ZFP91: variants seen among roughly 807,000 people sequenced by gnomAD.
The protein encoded by ZFP91 is E3 ubiquitin-protein ligase ZFP91.
Under a neutral mutation model 63.5 loss-of-function variants are expected in ZFP91, and 7 were observed. The observed-to-expected ratio is 0.11, with a 90% CI of 0.06 to 0.21. The LOEUF is 0.21. Ranked by LOEUF, ZFP91 falls within the 10% of genes least tolerant of loss-of-function variation. ZFP91 has a pLI of 1.00. For missense variants in ZFP91, 628 were observed against 736.6 expected, an observed-to-expected ratio of 0.85 and a Z score of 1.71; for synonymous variants, 330 against 272.1, an observed-to-expected ratio of 1.21 and a Z score of -2.10.
intron 2 of ZFP91, among the ~76,000 whole-genome samples, chr11:58,601,952 C>T (rs754571342): frequency 5.3e-5 from 8 of 151,972 alleles, no homozygotes; most frequent in Non-Finnish European, 8.8e-5. Context: ...GATGGAGTCT[C>T]GTTCTATCGC....
intron 2 of ZFP91, among the ~76,000 whole-genome samples, chr11:58,597,402 G>C (rs966137574): frequency 1.9e-4 from 29 of 152,080 alleles, no homozygotes; most frequent in Non-Finnish European, 1.5e-4. Flanking sequence ...TAAAAACTTA[G>C]GCAGATATCC....
rs1855848410 is a variant in ZFP91 at position 58,621,308 on chromosome 11, T to C, written c.*3602T>C. Among the ~76,000 whole-genome samples, 1 of 152,210 alleles carries C rather than the reference T, an allele frequency of 6.6e-6. No homozygotes were observed. Among genetic ancestry groups the C allele is most frequent in the Non-Finnish European group, 1.5e-5 (1 of 68,030 alleles). The stretch of plus-strand genomic sequence containing the variant: ...ACTGGCCATATGTTAATTAACCTAG[T>C]AGATGGAAAATTAAGGATTATGTGA... On this transcript the variant is annotated 3_prime_UTR_variant, in exon 11 of 11. Coordinates refer to ENST00000316059, the MANE Select transcript of ZFP91 (RefSeq NM_053023.5).
rs1466984605 is a variant in ZFP91, at chr11:58,620,549, T to C, written c.*2843T>C. On this transcript the variant is annotated 3_prime_UTR_variant, in exon 11 of 11. Coordinates refer to ENST00000316059, the MANE Select transcript of ZFP91 (RefSeq NM_053023.5). ...TTTGCGTAACTGAGACTCCTTGATATGCTTCAGAGAATTTAGGCAAACACT... is the reference window on the plus strand; with the variant it reads ...TTTGCGTAACTGAGACTCCTTGATACGCTTCAGAGAATTTAGGCAAACACT... The C allele has an allele frequency of 2.0e-5, 3 of 152,652 alleles. No homozygotes were observed. The highest frequency in any genetic ancestry group is 7.2e-5 in the African/African-American group (3 of 41,452). The allele number at this position is 152,652 out of a possible 1,614,324, so 9.5% of individuals were successfully genotyped here.
At chr11:58,616,319 G>C (rs1174532827) in intron 9 of ZFP91, among the ~76,000 whole-genome samples, 1 of 151,718 alleles carries the variant, frequency 6.6e-6, no homozygotes, top group African/African-American at 2.4e-5. Flanking sequence ...GATTCTTTCT[G>C]TGTAATCATT....
intron 2 of ZFP91, among the ~76,000 whole-genome samples, chr11:58,585,598 C>T (rs11229538): frequency 1.3e-5 from 2 of 152,228 alleles, no homozygotes; most frequent in East Asian, 1.9e-4. Context: ...TACGTGTGAC[C>T]TTGACCCAGG....
At chr11:58,611,798 AG>A in intron 6 of ZFP91, 60 bp downstream of exon 6, 1 of 1,542,998 alleles carries the variant, frequency 6.5e-7, no homozygotes, top group Admixed American at 2.0e-5. Context: ...AGTGGAAAAA[AG>A]AGTGGGAGTG....
At chr11:58,588,643 C>G (rs1032658089) in intron 2 of ZFP91, among the ~76,000 whole-genome samples, 1 of 152,086 alleles carries the variant, frequency 6.6e-6, no homozygotes, top group Non-Finnish European at 1.5e-5. Flanking sequence ...TCATCTTGGC[C>G]TCTTGTCAAC....
intron 2 of ZFP91, among the ~76,000 whole-genome samples, chr11:58,607,427 G>A (rs1855586445): frequency 1.3e-5 from 2 of 152,136 alleles, no homozygotes; most frequent in African/African-American, 2.4e-5. Flanking sequence ...TGCTTAGACT[G>A]AATGGCCTTT....
intron 6 of ZFP91, 87 bp from the exon 7 acceptor site, chr11:58,612,191 G>T (rs555542772): frequency 4.6e-6 from 3 of 658,690 alleles, no homozygotes; most frequent in African/African-American, 3.9e-5. Flanking sequence ...TTCTTTGGCC[G>T]TGTGTGTGTG....
chr11:58,584,777 G>A lies in ZFP91; in HGVS notation c.342-79G>A, dbSNP rs73470726. On this transcript the variant is annotated intron_variant, in intron 1 of 10. Transcript: ENST00000316059. ...TAGATGCTTTCTTTATCACTCTGGAGGTGAACCTGAAAGAGATATTTATAT... is the reference window on the plus strand; with the variant it reads ...TAGATGCTTTCTTTATCACTCTGGAAGTGAACCTGAAAGAGATATTTATAT... 4,477 of 1,291,572 alleles carry A rather than the reference G, an allele frequency of 3.5e-3. 127 individuals are homozygous for A. In the African/African-American group the frequency reaches 0.06, roughly 17 times the overall value. The allele number at this position is 1,291,572 out of a possible 1,614,324, so 80.0% of individuals were successfully genotyped here. A position where few individuals can be genotyped will look rare whatever the true frequency, so the allele number is the denominator to read the frequency against.
chr11:58,618,745 A>C lies in ZFP91; in HGVS notation c.*1039A>C. ...ATAGCTCTCCAGTGGCTTTTAAAGAAAGCTGGTCCTCAGCACTAACAAAAT... is the reference window on the plus strand; with the variant it reads ...ATAGCTCTCCAGTGGCTTTTAAAGACAGCTGGTCCTCAGCACTAACAAAAT... On this transcript the variant is annotated 3_prime_UTR_variant, in exon 11 of 11. Coordinates refer to ENST00000316059, the MANE Select transcript of ZFP91 (RefSeq NM_053023.5). 1 of 454,832 alleles carries C rather than the reference A, an allele frequency of 2.2e-6. No individual in the cohort carries two copies. Among genetic ancestry groups the C allele is most frequent in the Non-Finnish European group, 4.4e-6 (1 of 226,372 alleles). The allele number at this position is 454,832 out of a possible 1,614,324, so 28.2% of individuals were successfully genotyped here.
chr11:58,613,765 AC>A (rs1280530034), intron 8 of ZFP91, among the ~76,000 whole-genome samples: 2 of 152,114 alleles, frequency 1.3e-5, no homozygotes, highest in Non-Finnish European at 2.9e-5. Context: ...CTGGCAGGAA[AC>A]GTGAAAGTGA....
Position 58,611,737 on chromosome 11 carries a change from A to G in ZFP91, c.856A>G (p.Lys286Glu). ...EIREDEEPPR[K>E]RGRRRKDDKS... ...TAGAGAGGATGAGGAACCTCCAAGG[A>G]AGTGAGTAGGCAATTATTAAAAATG... is the stretch of plus-strand genomic sequence containing the variant. Residue 286 changes from lysine to glutamate, a missense_variant and splice_region_variant, in exon 6 of 11, where the codon AAG (lysine) becomes GAG (glutamate). This residue lies in a region of ZFP91 where 76 missense variants were observed against 230.9 expected (regional missense o/e 0.33). Coordinates refer to ENST00000316059, the MANE Select transcript of ZFP91 (RefSeq NM_053023.5). 1.3e-6 allele frequency: 2 copies of G among 1,599,906 alleles called. No individual in the cohort carries two copies. Among genetic ancestry groups the G allele is most frequent in the Non-Finnish European group, 1.7e-6 (2 of 1,173,920 alleles).
chr11:58,586,281 A>C (rs567396762), intron 2 of ZFP91, among the ~76,000 whole-genome samples: 83 of 152,324 alleles, frequency 5.4e-4, no homozygotes, highest in Non-Finnish European at 1.0e-3. Flanking sequence ...GAACTTGAAG[A>C]AAGGTGGAAA....
Position 58,612,789 on chromosome 11 carries a change from T to C in ZFP91, c.936T>C (p.Arg312=), listed in dbSNP as rs1382592370. The change falls in exon 8 of 11, where the codon CGT becomes CGC. Residue 312 remains arginine (R), a synonymous_variant. Transcript: ENST00000316059. ...AAAAGCCTCCAATCCAGTATGTCCG[T>C]TGTGAGATGGAAGGATGTGGAACTG... ...RRKKPPIQYV[R]CEMEGCGTVL... 6.2e-7 allele frequency: 1 copy of C among 1,612,076 alleles called. No individual in the cohort carries two copies. The highest frequency in any genetic ancestry group is 8.5e-7 in the Non-Finnish European group (1 of 1,179,224).
At chr11:58,608,646 C>T (rs1443449537) in intron 2 of ZFP91, among the ~76,000 whole-genome samples, 3 of 152,022 alleles carry the variant, frequency 2.0e-5, no homozygotes, top group African/African-American at 4.8e-5. Flanking sequence ...GCTCTTTCGC[C>T]GAGGCTGGAG....
intron 1 of ZFP91, 129 bp from the exon 2 acceptor site, chr11:58,584,727 A>G (rs1482631956): frequency 1.2e-6 from 1 of 809,716 alleles, no homozygotes; most frequent in East Asian, 3.3e-5. Flanking sequence ...ATCACTGCTG[A>G]AAATTCTGTA....
In ZFP91 at chr11:58,579,089, G is replaced by A. The variant is rs1288508318; in HGVS notation, c.-193G>A. 3 of 408,884 alleles carry A rather than the reference G, an allele frequency of 7.3e-6. No homozygotes were observed. The highest frequency in any genetic ancestry group is 3.9e-5 in the East Asian group (1 of 25,510). The allele number at this position is 408,884 out of a possible 1,614,324, so 25.3% of individuals were successfully genotyped here. A position where few individuals can be genotyped will look rare whatever the true frequency, so the allele number is the denominator to read the frequency against. Reference sequence around the variant, plus strand: ...TGGCGCGCGCGCGCGCGCCGCCAGCGGTAGCGGACCTTGAGTGGCAGGGGG... The same window carrying A: ...TGGCGCGCGCGCGCGCGCCGCCAGCAGTAGCGGACCTTGAGTGGCAGGGGG... On this transcript the variant is annotated 5_prime_UTR_variant, in exon 1 of 11. Transcript: ENST00000316059.
intron 2 of ZFP91, among the ~76,000 whole-genome samples, chr11:58,606,388 T>TATTTTATACTATCTTTTTATAG (rs1855570634): frequency 6.6e-6 from 1 of 152,162 alleles, no homozygotes; most frequent in South Asian, 2.1e-4. Flanking sequence ...CTTTTTATAG[T>TATTTTATACTATCTTTTTATAG]TATCTTTTTA....
Sources: allele counts gnomAD v4.1 joint callset (sites outside exome capture counted in the v4.1 genomes callset), GRCh38; gene constraint gnomAD v4.1.1; regional missense constraint gnomAD v4.1.1; transcripts MANE v1.5; gene names NCBI Gene and HGNC (gene_info 2026-07-23, HGNC 2026-07-21).